Variants in LAMA2 observed in about 807,000 individuals in gnomAD.
The protein encoded by LAMA2 is laminin subunit alpha-2.
LAMA2 carries 269 observed loss-of-function variants against 364.8 expected under a neutral mutation model. The observed-to-expected ratio is 0.74, with a 90% CI of 0.67 to 0.82. The LOEUF (loss-of-function observed/expected upper bound fraction) is 0.82, where lower values mean the gene tolerates loss of function less well. Ranked by LOEUF, LAMA2 falls within the 40% of genes least tolerant of loss-of-function variation. The pLI, the probability that LAMA2 is intolerant of heterozygous loss-of-function variation, is 0.00. For missense variants in LAMA2, 3,807 were observed against 3,873.2 expected, an observed-to-expected ratio of 0.98 and a Z score of 0.45; for synonymous variants, 1,379 against 1,370.6, an observed-to-expected ratio of 1.01 and a Z score of -0.14.
chr6:129,314,171 C>T (rs972159891), intron 23 of LAMA2, among the ~76,000 whole-genome samples: 2 of 152,022 alleles, frequency 1.3e-5, no homozygotes, highest in African/African-American at 2.4e-5. Context: ...GAGGCCGAGG[C>T]GGGCGGATCA....
rs763053961 is a variant in LAMA2 at position 129,369,911 on chromosome 6, G to A, written c.4880G>A (p.Arg1627Gln). The A allele has an allele frequency of 5.6e-6, 9 of 1,613,914 alleles. No individual in the cohort carries two copies. In the East Asian group the frequency reaches 8.9e-5, roughly 16 times the overall value. ...TTTCAGCACTTGCTGTCACCTCAGC[G>A]GGCCCCAGAGAGGCTTATTCAGCTG... ...QELKHLLSPQ[R>Q]APERLIQLAE... The change falls in exon 34 of 65, where the codon CGG becomes CAG. Residue 1627 changes from arginine to glutamine, a missense_variant. Around this residue, in one of 3 missense-constraint regions of LAMA2, gnomAD observed 3,333 missense variants for 3,345.7 expected, o/e 1.00. Coordinates refer to ENST00000421865, the MANE Select transcript of LAMA2 (RefSeq NM_000426.4).
At chr6:128,896,035 A>C (rs10499143) in intron 1 of LAMA2, among the ~76,000 whole-genome samples, 1 of 151,718 alleles carries the variant, frequency 6.6e-6, no homozygotes, top group Non-Finnish European at 1.5e-5. Context: ...CAAATTTTTC[A>C]CTCTTCAAGG....
chr6:128,905,573 T>C (rs554608581), intron 1 of LAMA2: 12 of 152,090 alleles, frequency 7.9e-5, no homozygotes, highest in Admixed American at 5.2e-4. Context: ...AAAAACAGCA[T>C]TTTAAAGGTA....
intron 40 of LAMA2, among the ~76,000 whole-genome samples, chr6:129,405,016 A>G (rs1780175685): frequency 6.6e-6 from 1 of 152,126 alleles, no homozygotes; most frequent in Non-Finnish European, 1.5e-5. Flanking sequence ...CTTATTCAAA[A>G]TAGTGGCATG....
At chr6:129,507,339 A>G in intron 61 of LAMA2, 150 bp from the exon 62 acceptor site, 1 of 778,226 alleles carries the variant, frequency 1.3e-6, no homozygotes, top group Non-Finnish European at 2.2e-6. Context: ...GCCTGGTGGT[A>G]ACAGAGAACC....
At chr6:128,909,863 C>T (rs1235092285) in intron 1 of LAMA2, among the ~76,000 whole-genome samples, 4 of 151,438 alleles carry the variant, frequency 2.6e-5, no homozygotes, top group Admixed American at 2.6e-4. Context: ...ATTTGCTTGT[C>T]TGTAAAGTAT....
intron 12 of LAMA2, among the ~76,000 whole-genome samples, chr6:129,222,028 A>G (rs1783889196): frequency 6.6e-6 from 1 of 152,202 alleles, no homozygotes; most frequent in South Asian, 2.1e-4. Context: ...TAAAAATGTA[A>G]GAAAATAATA....
At chr6:129,450,803 T>C (rs1321905381) in intron 45 of LAMA2, among the ~76,000 whole-genome samples, 1 of 152,290 alleles carries the variant, frequency 6.6e-6, no homozygotes, top group Middle Eastern at 3.4e-3. Flanking sequence ...TAACGCACTA[T>C]GCTATTCAGT....
intron 4 of LAMA2, among the ~76,000 whole-genome samples, chr6:129,130,778 A>G (rs1003451839): frequency 1.3e-5 from 2 of 152,190 alleles, no homozygotes; most frequent in African/African-American, 4.8e-5. Flanking sequence ...AATAATGCTT[A>G]TTTTTAATTT....
intron 1 of LAMA2, among the ~76,000 whole-genome samples, chr6:128,909,729 T>G (rs368899687): frequency 6.6e-6 from 1 of 152,016 alleles, no homozygotes; most frequent in Non-Finnish European, 1.5e-5. Context: ...TTCTTCCTAG[T>G]CTCGATGGTC....
At chr6:128,910,007 C>T (rs943767991) in intron 1 of LAMA2, among the ~76,000 whole-genome samples, 3 of 152,188 alleles carry the variant, frequency 2.0e-5, no homozygotes, top group East Asian at 1.9e-4. Flanking sequence ...GAGAGATCTG[C>T]TGTTAGTCTG....
chr6:129,346,488 A>G (rs902845233), intron 30 of LAMA2, among the ~76,000 whole-genome samples: 9 of 152,082 alleles, frequency 5.9e-5, no homozygotes, highest in African/African-American at 1.9e-4. Flanking sequence ...GGAGATGAAC[A>G]TTTACTAAGC....
chr6:129,310,295 A>T (rs569927782), intron 22 of LAMA2, among the ~76,000 whole-genome samples: 11 of 152,184 alleles, frequency 7.2e-5, no homozygotes, highest in Non-Finnish European at 1.6e-4. Flanking sequence ...GGAAATGATA[A>T]TCTCATAAGC....
chr6:129,117,838 G>A (rs1019426697), intron 4 of LAMA2, among the ~76,000 whole-genome samples: 1 of 152,146 alleles, frequency 6.6e-6, no homozygotes, highest in Admixed American at 6.5e-5. Flanking sequence ...ATATTACCTT[G>A]CCCAAGTTTA....
At chr6:129,304,412 C>T (rs952440840) in intron 22 of LAMA2, among the ~76,000 whole-genome samples, 17 of 152,142 alleles carry the variant, frequency 1.1e-4, no homozygotes, top group East Asian at 5.8e-4. Flanking sequence ...TACAGGTGCC[C>T]GCCACTACGC....
At chr6:128,996,699 A>G (rs946024560) in intron 1 of LAMA2, among the ~76,000 whole-genome samples, 2 of 152,246 alleles carry the variant, frequency 1.3e-5, no homozygotes, top group Admixed American at 6.5e-5. Flanking sequence ...TAGTTCAGAC[A>G]TTCTGGAAGA....
chr6:129,289,041 A>G lies in LAMA2; in HGVS notation c.2749+983A>G, dbSNP rs890135482. On this transcript the variant is annotated intron_variant, in intron 19 of 64. Coordinates refer to ENST00000421865, the MANE Select transcript of LAMA2 (RefSeq NM_000426.4). ...AAGACCCAGTAGGGTACCCTATTTC[A>G]TTAAGAAATGTGTCTCTCTCATCAC... Among the ~76,000 whole-genome samples the G allele has an allele frequency of 2.6e-5, 4 of 152,196 alleles. No individual in the cohort carries two copies. The East Asian group carries it at 7.7e-4, about 29-fold the overall frequency.
chr6:129,195,874 A>C (rs1781808606), intron 12 of LAMA2, among the ~76,000 whole-genome samples: 1 of 152,196 alleles, frequency 6.6e-6, no homozygotes, highest in South Asian at 2.1e-4. Flanking sequence ...TAGTAAACTA[A>C]GTGCTACTGG....
chr6:129,202,057 G>A (rs944217549), intron 12 of LAMA2, among the ~76,000 whole-genome samples: 2 of 151,650 alleles, frequency 1.3e-5, no homozygotes, highest in African/African-American at 2.4e-5. Flanking sequence ...GCATGGTGGT[G>A]CACACCTGTA....
Sources: allele counts gnomAD v4.1 joint callset (sites outside exome capture counted in the v4.1 genomes callset), GRCh38; gene constraint gnomAD v4.1.1; regional missense constraint gnomAD v4.1.1; transcripts MANE v1.5; gene names NCBI Gene and HGNC (gene_info 2026-07-23, HGNC 2026-07-21).